NRXN1: variants seen among roughly 807,000 people sequenced by gnomAD.
NRXN1 encodes the protein neurexin 1.
In NRXN1, 39 loss-of-function variants were observed where a neutral mutation model predicts 150.9. That is an observed-to-expected ratio of 0.26 (90% confidence interval 0.20 to 0.34). The LOEUF (loss-of-function observed/expected upper bound fraction) is 0.34, where lower values mean the gene tolerates loss of function less well. Ranked by LOEUF, NRXN1 falls within the 10% of genes least tolerant of loss-of-function variation. NRXN1 has a pLI of 1.00. For missense variants in NRXN1, 1,815 were observed against 1,949.9 expected, an observed-to-expected ratio of 0.93 and a Z score of 1.30; for synonymous variants, 924 against 757.0, an observed-to-expected ratio of 1.22 and a Z score of -3.62.
Position 50,104,018 on chromosome 2 carries a change from T to A in NRXN1, c.3547-12524A>T, listed in dbSNP as rs2152714379. 1.3e-5 allele frequency among the ~76,000 whole-genome samples: 2 copies of A among 152,128 alleles called. 1 individual carries two copies. Among genetic ancestry groups the A allele is most frequent in the East Asian group, 3.9e-4 (2 of 5,166 alleles). Reference sequence around the variant, plus strand: ...TTTCCTTGCCTTCCCCATCCCAAAATAATTGATACCCTATATTGTTTGGAG... The same window carrying A: ...TTTCCTTGCCTTCCCCATCCCAAAAAAATTGATACCCTATATTGTTTGGAG... On this transcript the variant is annotated intron_variant, in intron 18 of 22. Transcript: ENST00000401669.
chr2:50,368,934 T>A (rs2153017459), intron 17 of NRXN1, among the ~76,000 whole-genome samples: 1 of 152,090 alleles, frequency 6.6e-6, no homozygotes, highest in African/African-American at 2.4e-5. Flanking sequence ...ATAAAGAAAT[T>A]ATAGCATTTG....
At chr2:50,060,948 A>T (rs765022534) in intron 19 of NRXN1, among the ~76,000 whole-genome samples, 5 of 152,202 alleles carry the variant, frequency 3.3e-5, no homozygotes, top group African/African-American at 1.2e-4. Context: ...ATCTAAATAA[A>T]GTACAGCGAC....
chr2:50,313,114 T>A (rs1279226322), intron 17 of NRXN1, among the ~76,000 whole-genome samples: 1 of 152,070 alleles, frequency 6.6e-6, no homozygotes, highest in East Asian at 1.9e-4. Flanking sequence ...AGGTCAGGAA[T>A]TTTTTTCTGA....
At chr2:50,195,507 T>C (rs2061702755) in intron 18 of NRXN1, among the ~76,000 whole-genome samples, 1 of 152,188 alleles carries the variant, frequency 6.6e-6, no homozygotes, top group Non-Finnish European at 1.5e-5. Context: ...TTCCTATCAA[T>C]AACAGTGCTT....
At chr2:50,340,178 T>C (rs1443248781) in intron 17 of NRXN1, among the ~76,000 whole-genome samples, 2 of 152,226 alleles carry the variant, frequency 1.3e-5, no homozygotes, top group East Asian at 1.9e-4. Context: ...AGACACTTTA[T>C]ATGAAGGCAC....
chr2:50,986,531 G>T (rs1337306520), intron 2 of NRXN1, among the ~76,000 whole-genome samples: 1 of 151,466 alleles, frequency 6.6e-6, no homozygotes. Context: ...TTCATGTGTT[G>T]TTACATTGTG....
At chr2:50,949,075 T>G (rs1435785646) in intron 2 of NRXN1, among the ~76,000 whole-genome samples, 4 of 152,030 alleles carry the variant, frequency 2.6e-5, no homozygotes, top group African/African-American at 9.7e-5. Context: ...CATTTGTTAA[T>G]AAGAAGACTG....
At position 50,347,099 on chromosome 2, in the gene NRXN1, A is replaced by T; in HGVS notation, c.3365-110129T>A. 2 of 1,386,054 alleles carry T rather than the reference A, an allele frequency of 1.4e-6. No homozygotes were observed. The highest frequency in any genetic ancestry group is 2.4e-5 in the South Asian group (2 of 81,920). 85.9% of individuals were successfully genotyped at this position (1,386,054 alleles called of 1,614,324 possible). A position where few individuals can be genotyped will look rare whatever the true frequency, so the allele number is the denominator to read the frequency against. ...GGCACCCATCCTCTCCCTCCTTCGGACAGTCTTCTCGGGGTCCTGGAGTCC... is the reference window on the plus strand; with the variant it reads ...GGCACCCATCCTCTCCCTCCTTCGGTCAGTCTTCTCGGGGTCCTGGAGTCC... On this transcript the variant is annotated intron_variant, in intron 17 of 22. Transcript: ENST00000401669. The surrounding 1 kb of genome is among the most constrained non-coding windows in gnomAD (Gnocchi z 4.9).
At chr2:50,536,678 G>A (rs1174123899) in intron 10 of NRXN1, among the ~76,000 whole-genome samples, 1 of 152,066 alleles carries the variant, frequency 6.6e-6, no homozygotes, top group African/African-American at 2.4e-5. Flanking sequence ...ACCTTAAATC[G>A]TGCAAGTCCG....
chr2:50,475,477 C>T (rs946226724), intron 15 of NRXN1, among the ~76,000 whole-genome samples: 1 of 152,078 alleles, frequency 6.6e-6, no homozygotes, highest in Non-Finnish European at 1.5e-5. Flanking sequence ...TTCCCACTTC[C>T]TACCACAATC....
intron 17 of NRXN1, among the ~76,000 whole-genome samples, chr2:50,382,084 TAGG>T (rs2081013267): frequency 1.3e-5 from 2 of 151,594 alleles, no homozygotes; most frequent in South Asian, 4.2e-4. Context: ...CGACCAGAAC[TAGG>T]AGAACTAGTT....
At chr2:50,852,841 TCAACTGGC>T (rs1219135198) in intron 5 of NRXN1, among the ~76,000 whole-genome samples, 8 of 152,258 alleles carry the variant, frequency 5.3e-5, no homozygotes, top group Non-Finnish European at 1.0e-4. Context: ...TCACCTAAAA[TCAACTGGC>T]ATACACATAT....
At chr2:50,877,059 T>A (rs1678704154) in intron 5 of NRXN1, among the ~76,000 whole-genome samples, 1 of 151,880 alleles carries the variant, frequency 6.6e-6, no homozygotes. Context: ...TTTAATGTTT[T>A]ACTGTCTCTT....
chr2:50,673,399 A>C (rs1183828198), intron 5 of NRXN1, among the ~76,000 whole-genome samples: 1 of 152,120 alleles, frequency 6.6e-6, no homozygotes, highest in East Asian at 1.9e-4. Flanking sequence ...TAAAGTTATA[A>C]TTTACAGCAA....
intron 5 of NRXN1, among the ~76,000 whole-genome samples, chr2:50,839,639 C>T (rs1022051051): frequency 2.0e-5 from 3 of 152,066 alleles, no homozygotes; most frequent in Non-Finnish European, 2.9e-5. Flanking sequence ...ATGAATAATA[C>T]ATCAATTCAA....
chr2:50,354,554 C>CATATATATATATATAT lies in NRXN1; in HGVS notation c.3364+110872_3364+110887dup, dbSNP rs71404946. On this transcript the variant is annotated intron_variant, in intron 17 of 22. Transcript: ENST00000401669. ...ACTACCTTAGCGTCTAGAGTGCATA[C>CATATATATATATATAT]ATATATATATATATATATATATATA... Among the ~76,000 whole-genome samples, 391 of 99,982 alleles carry CATATATATATATATAT rather than the reference C, an allele frequency of 3.9e-3. 1 individual carries two copies. The highest frequency in any genetic ancestry group is 5.6e-3 in the African/African-American group (141 of 25,178). 65.6% of individuals were successfully genotyped at this position (99,982 alleles called of 152,430 possible). A position where few individuals can be genotyped will look rare whatever the true frequency, so the allele number is the denominator to read the frequency against.
At chr2:50,009,719 T>A (rs914772222) in intron 21 of NRXN1, among the ~76,000 whole-genome samples, 1 of 152,150 alleles carries the variant, frequency 6.6e-6, no homozygotes, top group Admixed American at 6.6e-5. Context: ...ATCATAATAG[T>A]CGCCTGACAA....
intron 17 of NRXN1, among the ~76,000 whole-genome samples, chr2:50,455,302 A>C (rs1189024795): frequency 6.6e-6 from 1 of 152,056 alleles, no homozygotes; most frequent in Non-Finnish European, 1.5e-5. Flanking sequence ...CTGAAGACCT[A>C]CTCCATTTGG....
At chr2:50,843,500 C>T (rs971135156) in intron 5 of NRXN1, among the ~76,000 whole-genome samples, 2 of 152,094 alleles carry the variant, frequency 1.3e-5, no homozygotes, top group African/African-American at 4.8e-5. Flanking sequence ...TTAGACTTTT[C>T]CCCTAGTAAC....
Sources: allele counts gnomAD v4.1 joint callset (sites outside exome capture counted in the v4.1 genomes callset), GRCh38; gene constraint gnomAD v4.1.1; non-coding constraint Gnocchi (gnomAD v3.1); transcripts MANE v1.5; gene names NCBI Gene and HGNC (gene_info 2026-07-23, HGNC 2026-07-21).